GANAB: variants seen among roughly 807,000 people sequenced by gnomAD.
GANAB encodes the protein glucosidase II alpha subunit.
A neutral mutation model predicts 129.9 loss-of-function variants in GANAB; 35 were observed. That is an observed-to-expected ratio of 0.27 (90% CI 0.21 to 0.36). The LOEUF (loss-of-function observed/expected upper bound fraction) is 0.36, where lower values mean the gene tolerates loss of function less well. Among genes scored for constraint, GANAB ranks in the 10% least tolerant of loss-of-function variants. GANAB has a pLI of 1.00. For synonymous variants in GANAB, 482 were observed against 451.8 expected, an observed-to-expected ratio of 1.07 and a Z score of -0.85; for missense variants, 939 against 1,221.0, an observed-to-expected ratio of 0.77 and a Z score of 3.44.
In GANAB at chr11:62,639,639, C is replaced by A; in HGVS notation, c.131G>T (p.Ser44Ile). 8.1e-6 allele frequency: 13 copies of A among 1,610,430 alleles called. No homozygotes were observed. Among genetic ancestry groups the A allele is most frequent in the South Asian group, 1.1e-5 (1 of 91,002 alleles). The part of the protein sequence containing the change: ...DRSNFKTCEE[S>I]SFCKRQRSIR... ...AGAAATATCATACTTGCAGAAAGAA[C>A]TCTCTTCACAGGTCTTAAAGTTGCT... is the stretch of plus-strand genomic sequence containing the variant. The change falls in exon 2 of 24, where the codon AGT (serine) becomes ATT (isoleucine). Residue 44 changes from serine (S) to isoleucine (I), a missense_variant. Ser to Ile is a moderately radical substitution (Grantham distance 142). Transcript: ENST00000356638.
At chr11:62,627,585 A>G (rs1200249672) in intron 17 of GANAB, among the ~76,000 whole-genome samples, 1 of 152,066 alleles carries the variant, frequency 6.6e-6, no homozygotes, top group Non-Finnish European at 1.5e-5. Flanking sequence ...TACAAAAATT[A>G]GCCGGGCATG....
chr11:62,631,683 G>A (rs926440869), intron 9 of GANAB, among the ~76,000 whole-genome samples: 1 of 151,858 alleles, frequency 6.6e-6, no homozygotes, highest in Non-Finnish European at 1.5e-5. Context: ...GGATGGTCTC[G>A]ATCTCTTGAC....
chr11:62,644,976 TCA>T (rs937512014), intron 1 of GANAB, among the ~76,000 whole-genome samples: 7 of 151,904 alleles, frequency 4.6e-5, no homozygotes, highest in African/African-American at 1.7e-4. Context: ...AGAAATGAGA[TCA>T]CAGAGTGTAC....
intron 17 of GANAB, among the ~76,000 whole-genome samples, chr11:62,628,328 T>C (rs1943501159): frequency 6.7e-6 from 1 of 148,702 alleles, no homozygotes; most frequent in African/African-American, 2.5e-5. Context: ...GTGATTCTCA[T>C]GCCTCAGCCT....
Position 62,629,804 on chromosome 11 carries a change from A to G in GANAB, c.1737+10T>C. The G allele has an allele frequency of 6.2e-7, 1 of 1,613,940 alleles. No individual in the cohort carries two copies. The highest frequency in any genetic ancestry group is 2.2e-5 in the East Asian group (1 of 44,878). The stretch of plus-strand genomic sequence containing the variant: ...CTCTTTCCACCAACTCTCCTCTCTC[A>G]GGCCCTTACCACATAAAGGCCATAG... On this transcript the variant is annotated intron_variant, in intron 14 of 23. Coordinates refer to ENST00000356638, the MANE Select transcript of GANAB (RefSeq NM_198334.3).
intron 4 of GANAB, among the ~76,000 whole-genome samples, chr11:62,637,615 C>G (rs1363399468): frequency 1.3e-5 from 2 of 152,124 alleles, no homozygotes; most frequent in African/African-American, 4.8e-5. Context: ...TGGAAACAAC[C>G]CCAAGGCTTA....
rs576489638 is a variant in GANAB, at chr11:62,632,142, T to C, written c.996+423A>G. 3.3e-5 allele frequency among the ~76,000 whole-genome samples: 5 copies of C among 151,574 alleles called. No homozygotes were observed. In the South Asian group the frequency reaches 8.4e-4, roughly 25 times the overall value. ...GAGTCCGCCGCCACACCCTGCTAAT[T>C]TTTGTTTTTCTAGTAGAGATGAGGT... On this transcript the variant is annotated intron_variant, in intron 9 of 23. Coordinates refer to ENST00000356638, the MANE Select transcript of GANAB (RefSeq NM_198334.3).
Position 62,634,790 on chromosome 11 carries a change from G to C in GANAB, c.560+31C>G, listed in dbSNP as rs768640626. ...AACACCCCTATGCTCTTTCACACTA[G>C]GTTCCCTGCAGTCCCAACCCCTGTA... On this transcript the variant is annotated intron_variant, in intron 5 of 23. Transcript: ENST00000356638. The C allele has an allele frequency of 1.9e-6, 3 of 1,571,954 alleles. No individual in the cohort carries two copies. In the South Asian group the frequency reaches 3.3e-5, roughly 18 times the overall value.
In GANAB at chr11:62,625,305, G is replaced by A; in HGVS notation, c.*510C>T. ...ATTCATCCTGTCCGGGGTAAGGGGT[G>A]GTCCCAGTGTATCGGTGGGGCATAA... On this transcript the variant is annotated 3_prime_UTR_variant, in exon 24 of 24. Coordinates refer to ENST00000356638, the MANE Select transcript of GANAB (RefSeq NM_198334.3). The A allele has an allele frequency of 2.2e-6, 1 of 456,236 alleles. No individual in the cohort carries two copies. 28.3% of individuals were successfully genotyped at this position (456,236 alleles called of 1,614,324 possible).
chr11:62,632,787 G>A (rs1161158977), intron 8 of GANAB, 42 bp from the exon 9 acceptor site: 4 of 1,522,942 alleles, frequency 2.6e-6, no homozygotes, highest in South Asian at 1.1e-5. Flanking sequence ...ACTGGCCCCA[G>A]GCTGCGTTAT....
intron 4 of GANAB, among the ~76,000 whole-genome samples, chr11:62,636,111 C>A (rs1943928315): frequency 6.6e-6 from 1 of 152,102 alleles, no homozygotes; most frequent in Non-Finnish European, 1.5e-5. Context: ...GTGCATCAGG[C>A]ACCCGAGTAG....
rs550192935 is a variant in GANAB, at chr11:62,628,877, G to C, written c.2072C>G (p.Ser691Cys). The change falls in exon 17 of 24, where the codon TCT becomes TGT. Residue 691 changes from serine to cysteine, a missense_variant. Physicochemically the swap from Ser to Cys is moderately radical, Grantham distance 112. Transcript: ENST00000356638. ...ATCTCGGATTATATCATTGTGCTGAGATGGTAACAGCCATGGCTCTCGTCG... is the reference window on the plus strand; with the variant it reads ...ATCTCGGATTATATCATTGTGCTGACATGGTAACAGCCATGGCTCTCGTCG... ...TGRREPWLLP[S>C]QHNDIIRDAL... The C allele has an allele frequency of 1.9e-6, 3 of 1,614,168 alleles. No individual in the cohort carries two copies. In the African/African-American group the frequency reaches 4.0e-5, roughly 22 times the overall value.
At chr11:62,626,805 C>G in intron 20 of GANAB, 55 bp downstream of exon 20, 1 of 1,407,640 alleles carries the variant, frequency 7.1e-7, no homozygotes. Context: ...ACATTCCCTC[C>G]CCTTCTGGAA....
intron 9 of GANAB, 88 bp from the exon 10 acceptor site, chr11:62,631,271 T>C: frequency 7.9e-7 from 1 of 1,273,022 alleles, no homozygotes; most frequent in South Asian, 1.5e-5. Flanking sequence ...TCTCCCAGAG[T>C]CCACACAGAG....
At chr11:62,627,778 C>G (rs1356649542) in intron 17 of GANAB, among the ~76,000 whole-genome samples, 1 of 152,132 alleles carries the variant, frequency 6.6e-6, no homozygotes, top group Admixed American at 6.5e-5. Context: ...GGTTAAGACC[C>G]AGGAGTTTGC....
At position 62,634,807 on chromosome 11, in the gene GANAB, AC is replaced by A; in HGVS notation, c.560+13del. ...TCACACTAGGTTCCCTGCAGTCCCA[AC>A]CCCTGTACTCACGAGACCCTAGGGG... On this transcript the variant is annotated intron_variant, in intron 5 of 23. Coordinates refer to ENST00000356638, the MANE Select transcript of GANAB (RefSeq NM_198334.3). 1 of 1,604,680 alleles carries A rather than the reference AC, an allele frequency of 6.2e-7. No homozygotes were observed. The highest frequency in any genetic ancestry group is 8.5e-7 in the Non-Finnish European group (1 of 1,172,328).
chr11:62,642,604 T>C (rs1188567689), intron 1 of GANAB, among the ~76,000 whole-genome samples: 5 of 152,064 alleles, frequency 3.3e-5, no homozygotes, highest in Middle Eastern at 3.4e-3. Flanking sequence ...CCAGCTAATT[T>C]TTTGTATTTT....
At chr11:62,641,485 T>C (rs1331728877) in intron 1 of GANAB, among the ~76,000 whole-genome samples, 5 of 151,960 alleles carry the variant, frequency 3.3e-5, no homozygotes, top group Non-Finnish European at 7.4e-5. Flanking sequence ...TACCCAAAGC[T>C]GAAAAAAAAT....
rs199575048 is a variant in GANAB, at chr11:62,633,480, C to T, written c.595G>A (p.Ala199Thr). 1 of 1,602,740 alleles carries T rather than the reference C, an allele frequency of 6.2e-7. No homozygotes were observed. Among genetic ancestry groups the T allele is most frequent in the Non-Finnish European group, 8.5e-7 (1 of 1,176,544 alleles). The change falls in exon 6 of 24, where the codon GCC (alanine) becomes ACC (threonine). Residue 199 changes from alanine to threonine, a missense_variant. Ala to Thr is a moderately conservative substitution (Grantham distance 58). This residue lies in a region of GANAB where 321 missense variants were observed against 329.1 expected (regional missense o/e 0.98). Coordinates refer to ENST00000356638, the MANE Select transcript of GANAB (RefSeq NM_198334.3). ...TCCCTGGGTGTTTCCTCAGGCTGGG[C>T]CCCATCGCCCTCAGCTGGGTCTTTT... ...GSKDPAEGDGAQPEETPRDGD... is the reference protein window; with the variant it reads ...GSKDPAEGDGTQPEETPRDGD...
Sources: allele counts gnomAD v4.1 joint callset (sites outside exome capture counted in the v4.1 genomes callset), GRCh38; gene constraint gnomAD v4.1.1; regional missense constraint gnomAD v4.1.1; transcripts MANE v1.5; gene names NCBI Gene and HGNC (gene_info 2026-07-23, HGNC 2026-07-21).